The following EYS variants were observed in gnomAD, a reference collection of about 807,000 sequenced individuals.
The protein encoded by EYS is protein eyes shut homolog.
In EYS, 250 loss-of-function variants were observed where a neutral mutation model predicts 282.1. The ratio of observed to expected loss-of-function variants is 0.89; its 90% CI spans 0.80 to 0.98. EYS has a LOEUF of 0.98. EYS is among the 50% of genes least tolerant of loss of function. EYS has a pLI of 0.00. For synonymous variants in EYS, 1,355 were observed against 1,282.9 expected (o/e 1.06, Z -1.20); for missense variants, 4,016 against 3,709.0 (o/e 1.08, Z -2.15).
chr6:65,639,380 A>G (rs955052248), intron 2 of EYS, among the ~76,000 whole-genome samples: 1 of 152,092 alleles, frequency 6.6e-6, no homozygotes, highest in Non-Finnish European at 1.5e-5. Flanking sequence ...AAACCTGTAT[A>G]TGTTTATCCA....
chr6:64,048,482 C>T (rs1312164583), intron 33 of EYS, among the ~76,000 whole-genome samples: 1 of 152,024 alleles, frequency 6.6e-6, no homozygotes. Flanking sequence ...CTGAGCTGGC[C>T]TAGAAAAGCT....
chr6:63,936,584 C>T (rs1199481410), intron 35 of EYS, among the ~76,000 whole-genome samples: 2 of 152,270 alleles, frequency 1.3e-5, no homozygotes, highest in East Asian at 3.9e-4. Context: ...ATAGTCAATC[C>T]TTAGATTTCT....
chr6:63,909,413 C>T (rs963417295), intron 35 of EYS, among the ~76,000 whole-genome samples: 12 of 152,160 alleles, frequency 7.9e-5, no homozygotes, highest in Middle Eastern at 3.4e-3. Flanking sequence ...TAAAATCTAC[C>T]GACATATATT....
intron 28 of EYS, among the ~76,000 whole-genome samples, chr6:64,420,689 C>T (rs181835220): frequency 7.2e-5 from 11 of 152,234 alleles, no homozygotes; most frequent in African/African-American, 2.4e-4. Flanking sequence ...ATTTCTTCTG[C>T]CAGATACCCT....
At chr6:64,944,820 T>C (rs1181514538) in intron 15 of EYS, among the ~76,000 whole-genome samples, 1 of 152,120 alleles carries the variant, frequency 6.6e-6, no homozygotes, top group Non-Finnish European at 1.5e-5. Context: ...GCGAGACATG[T>C]TTGCAGCAAT....
chr6:64,008,324 T>C (rs573361992), intron 33 of EYS, among the ~76,000 whole-genome samples: 39 of 152,310 alleles, frequency 2.6e-4, no homozygotes, highest in African/African-American at 8.9e-4. Context: ...TCTGTTTGCT[T>C]AGTAGATTTT....
chr6:65,543,003 TTC>T (rs768934716), intron 2 of EYS, among the ~76,000 whole-genome samples: 1 of 152,126 alleles, frequency 6.6e-6, no homozygotes, highest in African/African-American at 2.4e-5. Context: ...GTGATCACAA[TTC>T]TCTGTTTTAT....
chr6:65,175,522 T>C (rs1419626627), intron 12 of EYS, among the ~76,000 whole-genome samples: 1 of 151,068 alleles, frequency 6.6e-6, no homozygotes, highest in Non-Finnish European at 1.5e-5. Flanking sequence ...AAAATTAAAA[T>C]GAAGAAAAAT....
chr6:64,131,226 G>T (rs948673400), intron 31 of EYS, among the ~76,000 whole-genome samples: 1 of 152,150 alleles, frequency 6.6e-6, no homozygotes, highest in Non-Finnish European at 1.5e-5. Flanking sequence ...GGGGAGTGAC[G>T]TGGTATGATT....
intron 36 of EYS, among the ~76,000 whole-genome samples, chr6:63,849,041 T>C (rs1185461774): frequency 6.6e-6 from 1 of 152,168 alleles, no homozygotes; most frequent in Non-Finnish European, 1.5e-5. Flanking sequence ...GTAGGCGGTT[T>C]TCCCCTCACA....
At chr6:64,049,446 A>T (rs917886703) in intron 33 of EYS, among the ~76,000 whole-genome samples, 1 of 152,168 alleles carries the variant, frequency 6.6e-6, no homozygotes, top group Non-Finnish European at 1.5e-5. Flanking sequence ...TTTGGTGATT[A>T]ACTTTTCTAT....
intron 33 of EYS, among the ~76,000 whole-genome samples, chr6:64,029,334 G>A (rs934700770): frequency 6.6e-6 from 1 of 152,208 alleles, no homozygotes; most frequent in African/African-American, 2.4e-5. Context: ...CTGTTTAAGG[G>A]TAGTTGCAGC....
intron 5 of EYS, among the ~76,000 whole-genome samples, chr6:65,420,896 G>A (rs1767431430): frequency 1.3e-5 from 2 of 151,676 alleles, no homozygotes; most frequent in Admixed American, 1.3e-4. Flanking sequence ...CTGAGCAGCA[G>A]GTCACAATGG....
intron 41 of EYS, among the ~76,000 whole-genome samples, chr6:63,757,343 C>G (rs1254525808): frequency 6.6e-6 from 1 of 151,988 alleles, no homozygotes; most frequent in Non-Finnish European, 1.5e-5. Flanking sequence ...AAACCCCACC[C>G]TGGTAAATTT....
At chr6:65,419,657 T>C (rs1767377624) in intron 5 of EYS, among the ~76,000 whole-genome samples, 1 of 151,950 alleles carries the variant, frequency 6.6e-6, no homozygotes, top group African/African-American at 2.4e-5. Flanking sequence ...TAATATGTAA[T>C]GTACCTCAAT....
intron 2 of EYS, among the ~76,000 whole-genome samples, chr6:65,619,914 A>G (rs1369813111): frequency 6.6e-6 from 1 of 150,942 alleles, no homozygotes; most frequent in Non-Finnish European, 1.5e-5. Flanking sequence ...CCACTTGATC[A>G]TGGTGGATAA....
At chr6:63,877,069 G>A (rs1202250615) in intron 35 of EYS, among the ~76,000 whole-genome samples, 1 of 152,132 alleles carries the variant, frequency 6.6e-6, no homozygotes, top group Non-Finnish European at 1.5e-5. Flanking sequence ...AGCCTTGATG[G>A]TCTTTACAAT....
rs371761840 is a variant in EYS at position 64,404,475 on chromosome 6, G to C, written c.5928-15635C>G. On this transcript the variant is annotated intron_variant, in intron 28 of 42. Transcript: ENST00000503581. ...AAGCCTGGTCTTTGGAGTAAGAAAG[G>C]CTCCATTTCAAATCCCAGCTTTACC... Among the ~76,000 whole-genome samples, 10 of 152,000 alleles carry C rather than the reference G, an allele frequency of 6.6e-5. No individual in the cohort carries two copies. The East Asian group carries it at 1.9e-3, about 29-fold the overall frequency.
intron 22 of EYS, among the ~76,000 whole-genome samples, chr6:64,705,834 G>C (rs1406423795): frequency 8.7e-6 from 1 of 115,318 alleles, no homozygotes; most frequent in African/African-American, 3.2e-5. Flanking sequence ...TTGTGGGGTG[G>C]GAGGGAGGGG....
Sources: gnomAD v4.1 joint callset for allele counts (sites outside exome capture counted in the v4.1 genomes callset) on GRCh38, gnomAD v4.1.1 for gene constraint, MANE v1.5 for transcripts, NCBI Gene and HGNC (gene_info 2026-07-23, HGNC 2026-07-21) for gene names.